LINGO2: variants seen among roughly 807,000 people sequenced by gnomAD.
LINGO2 encodes the protein leucine-rich repeat and immunoglobulin-like domain-containing nogo receptor-interacting protein 2.
Under a neutral mutation model 30.6 loss-of-function variants are expected in LINGO2, and 14 were observed. The observed-to-expected ratio is 0.46, with a 90% confidence interval of 0.30 to 0.72. The LOEUF is 0.72. Among genes scored for constraint, LINGO2 ranks in the 30% least tolerant of loss-of-function variants. The pLI is 0.07. For synonymous variants in LINGO2, 317 were observed against 288.5 expected (o/e 1.10, Z -1.00); for missense variants, 729 against 751.7 (o/e 0.97, Z 0.35).
At chr9:28,711,328 C>T in the LINGO2 span, among the ~76,000 whole-genome samples, 2 of 151,954 alleles carry the variant, frequency 1.3e-5, no homozygotes, top group Admixed American at 1.3e-4. Flanking sequence ...GTTATTAATT[C>T]TCCTCAAAAT....
chr9:28,336,591 C>T (rs981353911), intron 3 of LINGO2, among the ~76,000 whole-genome samples: 3 of 152,058 alleles, frequency 2.0e-5, no homozygotes, highest in African/African-American at 7.2e-5. Context: ...TTTAAAATAA[C>T]ATCAGTTTTA....
chr9:28,559,678 A>T (rs564009182), intron 1 of LINGO2, among the ~76,000 whole-genome samples: 12 of 152,180 alleles, frequency 7.9e-5, no homozygotes, highest in South Asian at 2.1e-4. Context: ...TTTTTTCACA[A>T]GTTACAAAGT....
At chr9:28,256,828 T>C (rs1383645140) in intron 4 of LINGO2, among the ~76,000 whole-genome samples, 2 of 151,936 alleles carry the variant, frequency 1.3e-5, no homozygotes, top group East Asian at 1.9e-4. Flanking sequence ...AAAAATAAAA[T>C]GTATTTCAAA....
chr9:28,270,394 C>T (rs909153930), intron 4 of LINGO2, among the ~76,000 whole-genome samples: 1 of 151,922 alleles, frequency 6.6e-6, no homozygotes, highest in African/African-American at 2.4e-5. Context: ...AATCTAGCAC[C>T]TATGATGACC....
chr9:28,130,128 T>G lies in LINGO2; in HGVS notation c.-86-117723A>C, dbSNP rs1471766559. 2.6e-5 allele frequency among the ~76,000 whole-genome samples: 4 copies of G among 152,236 alleles called. No individual in the cohort carries two copies. The highest frequency in any genetic ancestry group is 2.1e-4 in the South Asian group (1 of 4,832). On this transcript the variant is annotated intron_variant, in intron 4 of 5. Coordinates refer to ENST00000379992, the Ensembl canonical transcript of LINGO2. The surrounding 1 kb of genome is among the most constrained non-coding windows in gnomAD (Gnocchi z 5.2). ...TTGTCAATTCTGACATTGATTCCCA[T>G]GTGGAACAGAGGACTTTTCTAGATT...
rs1385150794 is a variant in LINGO2 at position 28,427,769 on chromosome 9, A to G, written c.-279+48171T>C. On this transcript the variant is annotated intron_variant, in intron 2 of 5. Transcript: ENST00000379992. ...TTCCTTTGTGTTATGCATCAGGTGAAAAAGCTGTGCCAGGAAACATCACTC... is the reference window on the plus strand; with the variant it reads ...TTCCTTTGTGTTATGCATCAGGTGAGAAAGCTGTGCCAGGAAACATCACTC... 3.9e-5 allele frequency among the ~76,000 whole-genome samples: 6 copies of G among 152,108 alleles called. No individual in the cohort carries two copies. In the East Asian group the frequency reaches 1.2e-3, roughly 29 times the overall value.
the LINGO2 span, among the ~76,000 whole-genome samples, chr9:29,017,141 G>T: frequency 1.3e-5 from 2 of 150,430 alleles, no homozygotes; most frequent in Non-Finnish European, 3.0e-5. Flanking sequence ...TGAATAGCTT[G>T]CTTGCTGTTT....
chr9:28,952,031 A>G, the LINGO2 span, among the ~76,000 whole-genome samples: 87,829 of 151,856 alleles, frequency 0.58, 25,520 homozygotes, highest in Non-Finnish European at 0.61. Context: ...GATTATTAAA[A>G]AGGGTCTCTG....
chr9:28,362,326 C>T (rs1820482791), intron 3 of LINGO2, among the ~76,000 whole-genome samples: 1 of 151,168 alleles, frequency 6.6e-6, no homozygotes, highest in Admixed American at 6.6e-5. Context: ...CACTGTTTTG[C>T]TTCAAAAGGA....
At chr9:28,790,184 G>A in the LINGO2 span, among the ~76,000 whole-genome samples, 2 of 152,118 alleles carry the variant, frequency 1.3e-5, no homozygotes, top group African/African-American at 2.4e-5. Flanking sequence ...GAGTATTCAC[G>A]CAGTATATAT....
intron 3 of LINGO2, among the ~76,000 whole-genome samples, chr9:28,328,500 G>A (rs1825308238): frequency 6.6e-6 from 1 of 151,848 alleles, no homozygotes; most frequent in African/African-American, 2.4e-5. Context: ...TTATTATTGT[G>A]GGAACTAGGA....
At chr9:28,440,878 A>G (rs901423574) in intron 2 of LINGO2, among the ~76,000 whole-genome samples, 7 of 152,198 alleles carry the variant, frequency 4.6e-5, no homozygotes, top group African/African-American at 1.2e-4. Context: ...CAGAATATAT[A>G]AAACAATTTG....
intron 4 of LINGO2, among the ~76,000 whole-genome samples, chr9:28,210,802 T>TCA (rs1438158440): frequency 6.9e-6 from 1 of 145,056 alleles, no homozygotes; most frequent in African/African-American, 2.6e-5. Context: ...TATTATATTT[T>TCA]TATTTTTTTC....
intron 1 of LINGO2, among the ~76,000 whole-genome samples, chr9:28,580,301 C>A (rs144020221): frequency 6.6e-6 from 1 of 152,034 alleles, no homozygotes; most frequent in African/African-American, 2.4e-5. Flanking sequence ...AAGCCACTCT[C>A]TTTACAATTG....
intron 5 of LINGO2, among the ~76,000 whole-genome samples, chr9:27,976,353 A>G (rs1820594091): frequency 6.6e-6 from 1 of 152,068 alleles, no homozygotes; most frequent in African/African-American, 2.4e-5. Flanking sequence ...GCATGCAGGT[A>G]TATCTGATGA....
At chr9:27,949,756 C>G (rs138714176) in exon 6 of LINGO2, 2 of 1,614,110 alleles carry the variant, frequency 1.2e-6, no homozygotes, top group Non-Finnish European at 1.7e-6. Context: ...AGCTGGGCCC[C>G]CACTATATGA....
the LINGO2 span, among the ~76,000 whole-genome samples, chr9:28,769,243 C>T: frequency 6.6e-6 from 1 of 151,160 alleles, no homozygotes; most frequent in African/African-American, 2.4e-5. Flanking sequence ...TTCAACATCA[C>T]TCCTTATCTG....
intron 1 of LINGO2, among the ~76,000 whole-genome samples, chr9:28,549,304 G>A (rs1015222455): frequency 5.3e-5 from 8 of 151,924 alleles, no homozygotes; most frequent in Non-Finnish European, 1.0e-4. Context: ...GTTAATGAAC[G>A]CAGTTTTAGT....
At chr9:27,962,674 C>A (rs765139389) in intron 5 of LINGO2, among the ~76,000 whole-genome samples, 1 of 152,154 alleles carries the variant, frequency 6.6e-6, no homozygotes, top group African/African-American at 2.4e-5. Context: ...ACAAATATTT[C>A]TCAGTTTTAG....
Sources: allele counts gnomAD v4.1 joint callset (sites outside exome capture counted in the v4.1 genomes callset), GRCh38; gene constraint gnomAD v4.1.1; non-coding constraint Gnocchi (gnomAD v3.1); transcripts MANE v1.5; gene names NCBI Gene and HGNC (gene_info 2026-07-23, HGNC 2026-07-21).